HSF5: variants seen among roughly 807,000 people sequenced by gnomAD.
HSF5 encodes the protein heat shock factor protein 5.
Under a neutral mutation model 50.8 loss-of-function variants are expected in HSF5, and 5 were observed. The observed-to-expected ratio is 0.10, with a 90% CI of 0.05 to 0.21. The LOEUF (loss-of-function observed/expected upper bound fraction) is 0.21. HSF5 is among the 10% of genes least tolerant of loss of function. HSF5 has a pLI of 1.00. For synonymous variants in HSF5, 307 were observed against 307.4 expected (o/e 1.00, Z 0.02); for missense variants, 564 against 762.6 (o/e 0.74, Z 3.07).
chr17:58,483,561 T>C (rs1240595532), intron 1 of HSF5, among the ~76,000 whole-genome samples: 1 of 152,200 alleles, frequency 6.6e-6, no homozygotes, highest in Non-Finnish European at 1.5e-5. Context: ...ATTCTATTTC[T>C]TTTATGGAAG....
chr17:58,467,070 C>A, intron 2 of HSF5, 91 bp from the exon 3 acceptor site: 1 of 796,498 alleles, frequency 1.3e-6, no homozygotes, highest in Non-Finnish European at 2.1e-6. Flanking sequence ...GGAAAGAAAT[C>A]CAAATTTGAA....
chr17:58,461,379 A>T (rs775125696), intron 4 of HSF5, among the ~76,000 whole-genome samples: 2 of 152,094 alleles, frequency 1.3e-5, no homozygotes, highest in Non-Finnish European at 2.9e-5. Context: ...AGACATTTGG[A>T]TCTAAAAATA....
chr17:58,460,478 TACACACAC>T (rs34994266), intron 4 of HSF5, among the ~76,000 whole-genome samples: 3 of 137,660 alleles, frequency 2.2e-5, no homozygotes, highest in Non-Finnish European at 3.1e-5. Flanking sequence ...TACATATATA[TACACACAC>T]ACACACACAC....
intron 5 of HSF5, among the ~76,000 whole-genome samples, chr17:58,452,274 A>T (rs1044060562): frequency 6.6e-6 from 1 of 151,788 alleles, no homozygotes; most frequent in Non-Finnish European, 1.5e-5. Context: ...AAAAACAAAA[A>T]AGAAAGAAAG....
At chr17:58,472,687 T>C (rs1463616043) in intron 2 of HSF5, among the ~76,000 whole-genome samples, 2 of 152,176 alleles carry the variant, frequency 1.3e-5, no homozygotes, top group Non-Finnish European at 2.9e-5. Context: ...ACTGCAAACC[T>C]GGGACTAGAA....
intron 1 of HSF5, among the ~76,000 whole-genome samples, chr17:58,485,623 T>TGTA (rs1167971375): frequency 2.6e-5 from 4 of 151,338 alleles, no homozygotes; most frequent in Admixed American, 6.6e-5. Context: ...TGGCCACGCC[T>TGTA]GTAGTCCCAG....
chr17:58,476,485 G>C lies in HSF5; in HGVS notation c.925+3408C>G. On this transcript the variant is annotated intron_variant, in intron 2 of 5. Transcript: ENST00000323777. ...TCCAGATTTCCATTTGATTTCAGTG[G>C]ACTTTGAAGATGGATCACCACTCTT... 5 of 1,093,244 alleles carry C rather than the reference G, an allele frequency of 4.6e-6. No individual in the cohort carries two copies. In the South Asian group the frequency reaches 5.0e-5, roughly 11 times the overall value. The allele number at this position is 1,093,244 out of a possible 1,614,324, so 67.7% of individuals were successfully genotyped here.
At chr17:58,439,847 C>T (rs1974476535) in intron 5 of HSF5, among the ~76,000 whole-genome samples, 1 of 151,732 alleles carries the variant, frequency 6.6e-6, no homozygotes, top group African/African-American at 2.4e-5. Flanking sequence ...ATCTGAGGAA[C>T]ATTCCACAAA....
In HSF5 at chr17:58,479,880, G is replaced by A. The variant is rs1423376996; in HGVS notation, c.925+13C>T. 6.3e-6 allele frequency: 10 copies of A among 1,598,184 alleles called. No homozygotes were observed. ...ACCTTAAATAGAAGGCCATGAACCT[G>A]AATTTGTCATACCTGTTGGATAGTA... is the stretch of plus-strand genomic sequence containing the variant. On this transcript the variant is annotated intron_variant, in intron 2 of 5. Transcript: ENST00000323777.
intron 5 of HSF5, among the ~76,000 whole-genome samples, chr17:58,429,918 T>A (rs1029983074): frequency 6.6e-6 from 1 of 151,846 alleles, no homozygotes; most frequent in Non-Finnish European, 1.5e-5. Context: ...TTCCTGTCAA[T>A]TTGAAATGAC....
chr17:58,439,729 C>A (rs1185830944), intron 5 of HSF5, among the ~76,000 whole-genome samples: 2 of 152,270 alleles, frequency 1.3e-5, no homozygotes, highest in South Asian at 4.1e-4. Context: ...GGTGATCCGC[C>A]CGCCTTGGCC....
At chr17:58,481,623 C>T (rs1314894961) in intron 1 of HSF5, among the ~76,000 whole-genome samples, 7 of 152,228 alleles carry the variant, frequency 4.6e-5, no homozygotes, top group Non-Finnish European at 1.5e-5. Context: ...ACTCAAATAT[C>T]TGCTTTTCCA....
Position 58,487,933 on chromosome 17 carries a change from C to T in HSF5, c.342G>A (p.Pro114=). ...GNGPLHHFHN[P]HFRRDQPQLL... ...GCTGTGGCTGGTCGCGGCGGAAGTG[C>T]GGGTTGTGGAAGTGATGGAGCGGCC... The change falls in exon 1 of 6, where the codon CCG becomes CCA. Residue 114 remains proline (P), a synonymous_variant. Coordinates refer to ENST00000323777, the MANE Select transcript of HSF5 (RefSeq NM_001080439.3). The T allele has an allele frequency of 1.2e-6, 2 of 1,611,168 alleles. No individual in the cohort carries two copies. The highest frequency in any genetic ancestry group is 1.7e-6 in the Non-Finnish European group (2 of 1,179,356).
At chr17:58,458,224 T>G (rs1379434713) in intron 5 of HSF5, among the ~76,000 whole-genome samples, 2 of 152,246 alleles carry the variant, frequency 1.3e-5, no homozygotes, top group African/African-American at 2.4e-5. Flanking sequence ...TAGAATCAAC[T>G]GTATGTGCCT....
At chr17:58,451,765 T>C (rs1002337719) in intron 5 of HSF5, among the ~76,000 whole-genome samples, 1 of 151,668 alleles carries the variant, frequency 6.6e-6, no homozygotes, top group African/African-American at 2.4e-5. Context: ...CAATATTATA[T>C]TACATCTCAA....
At chr17:58,449,637 T>C (rs540249767) in intron 5 of HSF5, among the ~76,000 whole-genome samples, 1 of 151,470 alleles carries the variant, frequency 6.6e-6, no homozygotes, top group Non-Finnish European at 1.5e-5. Flanking sequence ...GAGGCAGAGG[T>C]TGCAGTGAGC....
intron 2 of HSF5, among the ~76,000 whole-genome samples, chr17:58,474,091 G>A (rs751330022): frequency 3.9e-5 from 6 of 152,036 alleles, no homozygotes; most frequent in Non-Finnish European, 5.9e-5. Flanking sequence ...TGATCCACCC[G>A]CCTCGTGAGA....
chr17:58,430,071 G>A (rs879752068), intron 5 of HSF5, among the ~76,000 whole-genome samples: 3 of 151,682 alleles, frequency 2.0e-5, no homozygotes, highest in Admixed American at 2.0e-4. Context: ...TTTTTGTTTT[G>A]TTTTGTTTTG....
intron 2 of HSF5, among the ~76,000 whole-genome samples, chr17:58,477,830 T>TA (rs1351779579): frequency 6.6e-6 from 1 of 151,886 alleles, no homozygotes; most frequent in Non-Finnish European, 1.5e-5. Flanking sequence ...ATATTTAAAA[T>TA]AAAAAAATAT....
Sources: allele counts gnomAD v4.1 joint callset (sites outside exome capture counted in the v4.1 genomes callset), GRCh38; gene constraint gnomAD v4.1.1; transcripts MANE v1.5; gene names NCBI Gene and HGNC (gene_info 2026-07-23, HGNC 2026-07-21).